Variants in KBTBD3 observed in about 807,000 individuals in gnomAD.
KBTBD3 encodes the protein kelch repeat and BTB domain-containing protein 3.
Under a neutral mutation model 49.6 loss-of-function variants are expected in KBTBD3, and 38 were observed. The observed-to-expected ratio is 0.77, with a 90% CI of 0.59 to 1.00. The LOEUF is 1.00. Among genes scored for constraint, KBTBD3 ranks in the 50% least tolerant of loss-of-function variants. The pLI is 0.00. For synonymous variants in KBTBD3, 214 were observed against 250.4 expected, an observed-to-expected ratio of 0.85 and a Z score of 1.37; for missense variants, 661 against 712.0, an observed-to-expected ratio of 0.93 and a Z score of 0.81.
chr11:106,076,485 A>G (rs548005577), intron 2 of KBTBD3, 22 bp downstream of exon 2: 1 of 152,306 alleles, frequency 6.6e-6, no homozygotes, highest in South Asian at 2.1e-4. Flanking sequence ...AATCATAGGC[A>G]GGTAATTGTG....
intron 2 of KBTBD3, among the ~76,000 whole-genome samples, chr11:106,065,123 G>A (rs1199220760): frequency 6.6e-6 from 1 of 152,164 alleles, no homozygotes; most frequent in East Asian, 1.9e-4. Flanking sequence ...AGGATGTGGG[G>A]TAGATACTGA....
intron 2 of KBTBD3, among the ~76,000 whole-genome samples, chr11:106,065,181 T>C (rs1860782753): frequency 6.6e-6 from 1 of 152,198 alleles, no homozygotes; most frequent in Non-Finnish European, 1.5e-5. Flanking sequence ...ATAATTTTCG[T>C]ATTTTTAGTA....
chr11:106,073,868 T>A (rs943442377), intron 2 of KBTBD3, among the ~76,000 whole-genome samples: 2 of 152,188 alleles, frequency 1.3e-5, no homozygotes, highest in African/African-American at 4.8e-5. Flanking sequence ...AACGACTGAT[T>A]ACTTTAAATT....
intron 2 of KBTBD3, among the ~76,000 whole-genome samples, chr11:106,065,079 C>G (rs894142434): frequency 6.6e-6 from 1 of 152,202 alleles, no homozygotes; most frequent in African/African-American, 2.4e-5. Context: ...CTACCCCATC[C>G]TCCAGGCTAT....
At chr11:106,065,955 T>C (rs1860802720) in intron 2 of KBTBD3, among the ~76,000 whole-genome samples, 1 of 40,816 alleles carries the variant, frequency 2.5e-5, no homozygotes, top group Non-Finnish European at 4.6e-5. Context: ...AGCAAGACTG[T>C]CTCAAAAAAA....
Position 106,053,614 on chromosome 11 carries a change from G to A in KBTBD3, c.1075C>T (p.Arg359Ter), listed in dbSNP as rs200339337. 10 of 1,613,596 alleles carry A rather than the reference G, an allele frequency of 6.2e-6. No homozygotes were observed. Among genetic ancestry groups the A allele is most frequent in the African/African-American group, 2.7e-5 (2 of 74,818 alleles). ...TGATATGACTCGGCAATATGCAGTC[G>A]AACCGTTCGACAACATTTCCCTTTG... is the stretch of plus-strand genomic sequence containing the variant. ...GCKGKCCRTVRLHIAESYHDA... is the reference protein window; with the variant it reads ...GCKGKCCRTV Residue 359 changes from arginine to a stop codon, truncating the protein, a stop_gained, in exon 4 of 4, where the codon CGA (arginine) becomes TGA (stop). Coordinates refer to ENST00000531837, the MANE Select transcript of KBTBD3 (RefSeq NM_198439.3). LOFTEE classifies it high-confidence loss of function.
At chr11:106,063,776 C>G (rs1008648308) in intron 2 of KBTBD3, among the ~76,000 whole-genome samples, 4 of 151,926 alleles carry the variant, frequency 2.6e-5, no homozygotes, top group African/African-American at 9.7e-5. Context: ...AATAAAAATG[C>G]AAAATTTAGC....
At chr11:106,073,922 C>T (rs1860972880) in intron 2 of KBTBD3, among the ~76,000 whole-genome samples, 1 of 152,044 alleles carries the variant, frequency 6.6e-6, no homozygotes, top group Non-Finnish European at 1.5e-5. Flanking sequence ...ATTTTTCTAG[C>T]TAATATGTCA....
intron 3 of KBTBD3, 105 bp downstream of exon 3, chr11:106,058,759 TA>T: frequency 1.4e-6 from 1 of 702,634 alleles, no homozygotes; most frequent in Non-Finnish European, 2.4e-6. Flanking sequence ...TTTTTAGAAT[TA>T]AAAATTACTG....
chr11:106,068,104 C>A (rs1860844990), intron 2 of KBTBD3, among the ~76,000 whole-genome samples: 1 of 148,740 alleles, frequency 6.7e-6, no homozygotes, highest in Non-Finnish European at 1.5e-5. Context: ...ATATGTGAAG[C>A]AAAAACTGAT....
At chr11:106,065,777 A>G (rs1488844525) in intron 2 of KBTBD3, among the ~76,000 whole-genome samples, 2 of 152,064 alleles carry the variant, frequency 1.3e-5, no homozygotes, top group African/African-American at 4.8e-5. Flanking sequence ...CCTGGCCAAC[A>G]CGGTAAAACC....
chr11:106,076,395 G>C (rs1861030060), intron 2 of KBTBD3, 112 bp downstream of exon 2: 1 of 152,182 alleles, frequency 6.6e-6, no homozygotes, highest in Non-Finnish European at 1.5e-5. Flanking sequence ...GAGGGATTCG[G>C]GGGGCTTATG....
chr11:106,052,646 G>A lies in KBTBD3; in HGVS notation c.*204C>T, dbSNP rs1939801. The A allele has an allele frequency of 0.31, 147,637 of 476,738 alleles. 23,416 individuals carry two copies. The highest frequency in any genetic ancestry group is 0.38 in the East Asian group (11,146 of 28,978). The allele number at this position is 476,738 out of a possible 1,614,324, so 29.5% of individuals were successfully genotyped here. A position where few individuals can be genotyped will look rare whatever the true frequency, so the allele number is the denominator to read the frequency against. The stretch of plus-strand genomic sequence containing the variant: ...ATACTAAGTATTCTGGATTCCCCAA[G>A]GTTAAATTATATTCAGTATAATTTT... On this transcript the variant is annotated 3_prime_UTR_variant, in exon 4 of 4. Transcript: ENST00000531837.
At chr11:106,062,356 T>C (rs1860718932) in intron 2 of KBTBD3, among the ~76,000 whole-genome samples, 3 of 152,142 alleles carry the variant, frequency 2.0e-5, no homozygotes, top group African/African-American at 7.2e-5. Context: ...TATAAGCTCA[T>C]GTGATAATAG....
intron 3 of KBTBD3, among the ~76,000 whole-genome samples, chr11:106,056,704 G>A (rs1022551958): frequency 1.3e-5 from 2 of 152,166 alleles, no homozygotes; most frequent in African/African-American, 4.8e-5. Context: ...TAAGGAAACT[G>A]AGGCCTGAAG....
intron 3 of KBTBD3, chr11:106,057,878 T>G: frequency 2.6e-6 from 1 of 382,544 alleles, no homozygotes; most frequent in Non-Finnish European, 4.6e-6. Flanking sequence ...GCAGAGTTAT[T>G]TTCTTCAAAT....
rs1433243035 is a variant in KBTBD3 at position 106,071,217 on chromosome 11, T to A, written c.-13+5290A>T. 5.3e-5 allele frequency among the ~76,000 whole-genome samples: 8 copies of A among 152,208 alleles called. No homozygotes were observed. The East Asian group carries it at 1.5e-3, about 29-fold the overall frequency. The stretch of plus-strand genomic sequence containing the variant: ...ATTGGTATAAAATCATTCCTCTGTA[T>A]TGTAAAATAAGTCGGAAATAAAACA... On this transcript the variant is annotated intron_variant, in intron 2 of 3. Transcript: ENST00000531837.
chr11:106,063,250 A>G (rs2135010201), intron 2 of KBTBD3, among the ~76,000 whole-genome samples: 1 of 152,380 alleles, frequency 6.6e-6, no homozygotes, highest in Non-Finnish European at 1.5e-5. Context: ...GGGAACTTCC[A>G]TCAGACAATA....
intron 2 of KBTBD3, among the ~76,000 whole-genome samples, chr11:106,068,543 T>C (rs999374193): frequency 6.6e-6 from 1 of 152,090 alleles, no homozygotes; most frequent in African/African-American, 2.4e-5. Context: ...TTACTACAAC[T>C]CACCCAATAT....
Sources: gnomAD v4.1 joint callset for allele counts (sites outside exome capture counted in the v4.1 genomes callset) on GRCh38, gnomAD v4.1.1 for gene constraint, MANE v1.5 for transcripts, NCBI Gene and HGNC (gene_info 2026-07-23, HGNC 2026-07-21) for gene names.